GNG2: variants seen among roughly 807,000 people sequenced by gnomAD.
The protein encoded by GNG2 is guanine nucleotide-binding protein G(I)/G(S)/G(O) subunit gamma-2.
A neutral mutation model predicts 5.5 loss-of-function variants in GNG2; 5 were observed. The observed-to-expected ratio is 0.91, with a 90% CI of 0.48 to 1.92. The LOEUF is 1.92. Ranked by LOEUF, GNG2 falls within the 30% of genes most tolerant of loss-of-function variation. GNG2 has a pLI of 0.01. For synonymous variants in GNG2, 28 were observed against 32.0 expected (o/e 0.88, Z 0.42); for missense variants, 55 against 88.4 (o/e 0.62, Z 1.52).
chr14:51,932,716 G>A (rs1040760043), intron 2 of GNG2, among the ~76,000 whole-genome samples: 5 of 152,202 alleles, frequency 3.3e-5, no homozygotes, highest in Admixed American at 6.5e-5. Context: ...TTAAGAGAAA[G>A]GAAGCCATCC....
intron 2 of GNG2, among the ~76,000 whole-genome samples, chr14:51,892,316 TTTA>T (rs1884912728): frequency 6.6e-6 from 1 of 151,744 alleles, no homozygotes; most frequent in Non-Finnish European, 1.5e-5. Context: ...TTTATTTTAT[TTTA>T]TTTTTTTTTT....
intron 1 of GNG2, among the ~76,000 whole-genome samples, chr14:51,876,847 G>A (rs903506680): frequency 9.2e-5 from 14 of 152,168 alleles, no homozygotes; most frequent in Non-Finnish European, 2.9e-5. Context: ...CTAGATGTGA[G>A]ATATCTCTTT....
At chr14:51,914,233 A>G (rs1886470026) in intron 2 of GNG2, 5 of 702,298 alleles carry the variant, frequency 7.1e-6, no homozygotes, top group Non-Finnish European at 1.3e-5. Context: ...GTGCCATTGA[A>G]TGGAGTTATT....
chr14:51,863,767 G>A (rs1205242172), intron 1 of GNG2, among the ~76,000 whole-genome samples: 2 of 152,146 alleles, frequency 1.3e-5, no homozygotes, highest in Non-Finnish European at 2.9e-5. Flanking sequence ...TATATGTGAA[G>A]TCATACAATA....
chr14:51,883,213 A>G (rs1172167450), intron 2 of GNG2, among the ~76,000 whole-genome samples: 1 of 152,168 alleles, frequency 6.6e-6, no homozygotes, highest in East Asian at 1.9e-4. Context: ...TCCTTGGCTT[A>G]ACTATGAAAC....
At chr14:51,927,704 A>C (rs1023435374) in intron 2 of GNG2, among the ~76,000 whole-genome samples, 6 of 152,222 alleles carry the variant, frequency 3.9e-5, no homozygotes, top group African/African-American at 1.4e-4. Context: ...TCGTTTGATG[A>C]CACTGAGATT....
At chr14:51,886,773 G>T (rs545194150) in intron 2 of GNG2, among the ~76,000 whole-genome samples, 53 of 152,154 alleles carry the variant, frequency 3.5e-4, no homozygotes, top group Non-Finnish European at 6.8e-4. Context: ...CACTTATTCT[G>T]ATCGCCTGCT....
At position 51,952,172 on chromosome 14, in the gene GNG2, A is replaced by G. The variant is rs1000999657; in HGVS notation, c.87+1407A>G. 37 of 411,884 alleles carry G rather than the reference A, an allele frequency of 9.0e-5. No homozygotes were observed. The Admixed American group carries it at 1.2e-3, about 13-fold the overall frequency. 25.5% of individuals were successfully genotyped at this position (411,884 alleles called of 1,614,324 possible). On this transcript the variant is annotated intron_variant, in intron 3 of 3. Coordinates refer to ENST00000556766, the MANE Select transcript of GNG2 (RefSeq NM_053064.5). ...GTGAAGAGAGAGCTCTTCTTTCTCT[A>G]CAAGTAAGATGAGCAAATACCCATG...
chr14:51,879,457 T>C (rs1883895328), intron 2 of GNG2, among the ~76,000 whole-genome samples: 1 of 152,270 alleles, frequency 6.6e-6, no homozygotes, highest in South Asian at 2.1e-4. Context: ...ATTAGTTTTC[T>C]ATGGCTGCTG....
At chr14:51,872,881 C>T (rs774171760) in intron 1 of GNG2, among the ~76,000 whole-genome samples, 10 of 152,152 alleles carry the variant, frequency 6.6e-5, no homozygotes, top group Non-Finnish European at 1.3e-4. Context: ...AGACTGACAT[C>T]TATTCTTTTA....
chr14:51,932,662 A>G (rs1253703), intron 2 of GNG2, among the ~76,000 whole-genome samples: 30,823 of 152,072 alleles, frequency 0.2, 4,995 homozygotes, highest in African/African-American at 0.43. Flanking sequence ...TGTGGTTGGT[A>G]AAATAAGAAA....
chr14:51,854,597 C>T (rs1290430658), intron 2 of GNG2, among the ~76,000 whole-genome samples: 1 of 148,642 alleles, frequency 6.7e-6, no homozygotes, highest in Non-Finnish European at 1.5e-5. Context: ...GCAACCTCCT[C>T]CTCCAGGGTT....
intron 2 of GNG2, among the ~76,000 whole-genome samples, chr14:51,839,639 G>A (rs552167706): frequency 2.4e-4 from 37 of 152,248 alleles, no homozygotes; most frequent in South Asian, 2.3e-3. Context: ...AACTGCAAAG[G>A]AGTATGAGAG....
At chr14:51,955,965 C>T (rs930998566) in intron 3 of GNG2, among the ~76,000 whole-genome samples, 1 of 152,108 alleles carries the variant, frequency 6.6e-6, no homozygotes, top group African/African-American at 2.4e-5. Flanking sequence ...GAGAAATGGT[C>T]CAGTTAGACG....
At chr14:51,863,312 C>G (rs1882651321) in intron 1 of GNG2, among the ~76,000 whole-genome samples, 1 of 152,190 alleles carries the variant, frequency 6.6e-6, no homozygotes. Flanking sequence ...TTAGGAACCT[C>G]AGTTTCCTCA....
At chr14:51,836,416 T>C (rs1219446359) in intron 2 of GNG2, among the ~76,000 whole-genome samples, 1 of 152,188 alleles carries the variant, frequency 6.6e-6, no homozygotes, top group Non-Finnish European at 1.5e-5. Flanking sequence ...CTTGAACTCT[T>C]TGTGCCAGTA....
intron 2 of GNG2, among the ~76,000 whole-genome samples, chr14:51,908,858 C>T (rs1886121674): frequency 1.3e-5 from 2 of 149,560 alleles, no homozygotes; most frequent in African/African-American, 4.9e-5. Context: ...GATTTTAAGG[C>T]ATGAGCCACC....
At chr14:51,955,713 G>A (rs551790280) in intron 3 of GNG2, among the ~76,000 whole-genome samples, 20 of 152,108 alleles carry the variant, frequency 1.3e-4, no homozygotes, top group Non-Finnish European at 2.5e-4. Context: ...TTAAAAGGAT[G>A]GAATTAGTCA....
intron 2 of GNG2, chr14:51,877,940 G>A (rs907086431): frequency 1.3e-5 from 3 of 237,512 alleles, no homozygotes; most frequent in African/African-American, 2.3e-5. Context: ...GTATCCTCAC[G>A]GCACAAACAT....
Sources: gnomAD v4.1 joint callset for allele counts (sites outside exome capture counted in the v4.1 genomes callset) on GRCh38, gnomAD v4.1.1 for gene constraint, MANE v1.5 for transcripts, NCBI Gene and HGNC (gene_info 2026-07-23, HGNC 2026-07-21) for gene names.